Variants in INTU observed in about 807,000 individuals in gnomAD.
INTU encodes the protein inturned planar cell polarity protein.
A neutral mutation model predicts 100.5 loss-of-function variants in INTU; 68 were observed. That is an observed-to-expected ratio of 0.68 (90% CI 0.56 to 0.83). INTU has a LOEUF of 0.83. INTU is among the 40% of genes least tolerant of loss of function. The pLI is 0.00. For missense variants in INTU, 1,071 were observed against 1,114.7 expected (o/e 0.96, Z 0.56); for synonymous variants, 357 against 395.7 (o/e 0.90, Z 1.16).
intron 12 of INTU, 72 bp downstream of exon 12, chr4:127,707,041 G>A: frequency 6.7e-7 from 1 of 1,497,708 alleles, no homozygotes; most frequent in Non-Finnish European, 9.0e-7. Flanking sequence ...ATAATTGCAA[G>A]ACATTTTTTT....
At chr4:127,709,653 G>A (rs983560833) in intron 13 of INTU, among the ~76,000 whole-genome samples, 2 of 151,302 alleles carry the variant, frequency 1.3e-5, no homozygotes, top group Admixed American at 6.6e-5. Flanking sequence ...GGATCAACTG[G>A]TGTAATAAAC....
rs1729910843 is a variant in INTU at position 127,687,966 on chromosome 4, AT to A, written c.1449+100del. 4 of 850,184 alleles carry A rather than the reference AT, an allele frequency of 4.7e-6. No individual in the cohort carries two copies. In the East Asian group the frequency reaches 1.2e-4, roughly 25 times the overall value. 52.7% of individuals were successfully genotyped at this position (850,184 alleles called of 1,614,324 possible). Reference sequence around the variant, plus strand: ...TAGACTTTTTGTTATTTTTGGAATTATGGTTAAAAATTAAAGAGGCAATTGG... The same window carrying A: ...TAGACTTTTTGTTATTTTTGGAATTAGGTTAAAAATTAAAGAGGCAATTGG... On this transcript the variant is annotated intron_variant, in intron 8 of 15. Transcript: ENST00000335251.
At chr4:127,640,435 TTTCTCTTC>T (rs1222186425) in intron 1 of INTU, among the ~76,000 whole-genome samples, 1 of 150,926 alleles carries the variant, frequency 6.6e-6, no homozygotes, top group Non-Finnish European at 1.5e-5. Context: ...AAAAAGTGTC[TTTCTCTTC>T]TTAAAATGAT....
chr4:127,691,676 A>G (rs1730133793), intron 8 of INTU, among the ~76,000 whole-genome samples: 1 of 151,732 alleles, frequency 6.6e-6, no homozygotes, highest in Non-Finnish European at 1.5e-5. Context: ...AATTTCTGCA[A>G]TTTTGGTCCA....
At chr4:127,687,655 AC>A (rs1184564790) in intron 7 of INTU, 22 bp from the exon 8 acceptor site, 17 of 1,588,058 alleles carry the variant, frequency 1.1e-5, no homozygotes. Flanking sequence ...TGTCGTTCTA[AC>A]TTACAGCTCT....
At chr4:127,653,677 G>A (rs1039565034) in intron 2 of INTU, among the ~76,000 whole-genome samples, 2 of 150,096 alleles carry the variant, frequency 1.3e-5, no homozygotes, top group African/African-American at 4.9e-5. Context: ...GTGGTGTGGT[G>A]CTGAAAAAAA....
In INTU at chr4:127,705,798, C is replaced by G. The variant is rs777774989; in HGVS notation, c.1774C>G (p.Leu592Val). Residue 592 changes from leucine to valine, a missense_variant, in exon 11 of 16, where the codon CTA becomes GTA. Leu to Val is a conservative substitution (Grantham distance 32). Coordinates refer to ENST00000335251, the MANE Select transcript of INTU (RefSeq NM_015693.4). Reference sequence around the variant, plus strand: ...GGAACCTGAAGGAAGATATTTTTTGCTAGTTGTTGGCTTGGTAAGTTTACC... The same window carrying G: ...GGAACCTGAAGGAAGATATTTTTTGGTAGTTGTTGGCTTGGTAAGTTTACC... The part of the protein sequence containing the change: ...FPEPEGRYFL[L>V]VVGLKHYMLC... 3.7e-6 allele frequency: 6 copies of G among 1,613,614 alleles called. No individual in the cohort carries two copies. The highest frequency in any genetic ancestry group is 4.2e-6 in the Non-Finnish European group (5 of 1,179,686).
intron 9 of INTU, among the ~76,000 whole-genome samples, chr4:127,701,243 A>G (rs1435389354): frequency 6.6e-6 from 1 of 152,140 alleles, no homozygotes; most frequent in Admixed American, 6.6e-5. Flanking sequence ...ACTGGCAAAT[A>G]CTGCAGGACA....
rs1312072156 is a variant in INTU, at chr4:127,706,728, T to G, written c.2030T>G (p.Leu677Arg). The G allele has an allele frequency of 6.2e-7, 1 of 1,614,086 alleles. No homozygotes were observed. Among genetic ancestry groups the G allele is most frequent in the Admixed American group, 1.7e-5 (1 of 59,982 alleles). Residue 677 changes from leucine (L) to arginine (R), a missense_variant, in exon 12 of 16, where the codon CTC becomes CGC. Physicochemically the swap from Leu to Arg is moderately radical, Grantham distance 102. Coordinates refer to ENST00000335251, the MANE Select transcript of INTU (RefSeq NM_015693.4). ...KTDSLTTSPI[L>R]SRLQGTSKVA... Reference sequence around the variant, plus strand: ...GATAGCTTGACCACTTCGCCTATTCTCAGTAGGCTACAAGGTACTTCCAAA... The same window carrying G: ...GATAGCTTGACCACTTCGCCTATTCGCAGTAGGCTACAAGGTACTTCCAAA...
At chr4:127,694,596 C>T (rs1168982826) in intron 8 of INTU, among the ~76,000 whole-genome samples, 2 of 152,078 alleles carry the variant, frequency 1.3e-5, no homozygotes, top group African/African-American at 2.4e-5. Context: ...GTGTCATACC[C>T]AGTGTCATCT....
intron 6 of INTU, among the ~76,000 whole-genome samples, chr4:127,681,995 A>G (rs1729585239): frequency 6.6e-6 from 1 of 151,502 alleles, no homozygotes; most frequent in Admixed American, 6.6e-5. Flanking sequence ...CAAAAAACAC[A>G]TGAAAAAATG....
At chr4:127,652,611 G>C in intron 2 of INTU, among the ~76,000 whole-genome samples, 1 of 42,476 alleles carries the variant, frequency 2.4e-5, no homozygotes, top group African/African-American at 1.1e-4. Flanking sequence ...TGTGCTGCTG[G>C]ATTCGTTTTG....
In INTU at chr4:127,721,128, T is replaced by C. The variant is rs1305315854; in HGVS notation, c.*4692T>C. The C allele has an allele frequency of 2.6e-5, 4 of 152,204 alleles. No homozygotes were observed. Among genetic ancestry groups the C allele is most frequent in the Non-Finnish European group, 5.9e-5 (4 of 68,024 alleles). The allele number at this position is 152,204 out of a possible 1,614,324, so 9.4% of individuals were successfully genotyped here. A position where few individuals can be genotyped will look rare whatever the true frequency, so the allele number is the denominator to read the frequency against. On this transcript the variant is annotated 3_prime_UTR_variant, in exon 16 of 16. Transcript: ENST00000335251. ...TGGTAACAGTTTTTCCTTTCCATATTGAGTGCTTCCTTCAGGAGCACTTGC... is the reference window on the plus strand; with the variant it reads ...TGGTAACAGTTTTTCCTTTCCATATCGAGTGCTTCCTTCAGGAGCACTTGC...
At chr4:127,716,229 T>C (rs760521740) in intron 15 of INTU, 96 bp from the exon 16 acceptor site, 1 of 565,634 alleles carries the variant, frequency 1.8e-6, no homozygotes, top group Non-Finnish European at 3.1e-6. Flanking sequence ...TTACTACTGA[T>C]GCTTTCAGAA....
chr4:127,698,005 A>T (rs1203258267), intron 8 of INTU, among the ~76,000 whole-genome samples: 1 of 152,182 alleles, frequency 6.6e-6, no homozygotes, highest in Non-Finnish European at 1.5e-5. Flanking sequence ...CTGTAATCCC[A>T]GCTATTTGGG....
At chr4:127,651,655 T>G in intron 2 of INTU, among the ~76,000 whole-genome samples, 1 of 152,190 alleles carries the variant, frequency 6.6e-6, no homozygotes. Context: ...GGTAGGGTGA[T>G]GCCTACAGCT....
chr4:127,663,331 A>G, intron 3 of INTU, 50 bp from the exon 4 acceptor site: 1 of 1,353,944 alleles, frequency 7.4e-7, no homozygotes, highest in Non-Finnish European at 1.0e-6. Flanking sequence ...TGAAAACTGC[A>G]GCTGATTTTC....
At position 127,716,342 on chromosome 4, in the gene INTU, CA is replaced by C; in HGVS notation, c.2739del (p.Lys913AsnfsTer20). 2.6e-6 allele frequency: 4 copies of C among 1,563,698 alleles called. No individual in the cohort carries two copies. The highest frequency in any genetic ancestry group is 2.4e-5 in the South Asian group (2 of 82,242). ...TTCTGCAGGAGACTTTTTCTTCATC[CA>C]AAACCTCAAGAACTTTATGTCTGTT... ...YWVVGRLFLH[P>X]KPQELYVCFH... On this transcript the variant is annotated frameshift_variant, in exon 16 of 16. Transcript: ENST00000335251. LOFTEE classifies it high-confidence loss of function.
Position 127,642,013 on chromosome 4 carries a change from GAT to G in INTU, c.147-1495_147-1494del, listed in dbSNP as rs140844596. Among the ~76,000 whole-genome samples, 29 of 151,146 alleles carry G rather than the reference GAT, an allele frequency of 1.9e-4. No homozygotes were observed. In the Middle Eastern group the frequency reaches 0.014, roughly 72 times the overall value. ...ATACACTTTATTCATTGTTTAAATT[GAT>G]ATATATATATATTTTTTAAATTGAT... On this transcript the variant is annotated intron_variant, in intron 1 of 15. Coordinates refer to ENST00000335251, the MANE Select transcript of INTU (RefSeq NM_015693.4).
Sources: gnomAD v4.1 joint callset for allele counts (sites outside exome capture counted in the v4.1 genomes callset) on GRCh38, gnomAD v4.1.1 for gene constraint, MANE v1.5 for transcripts, NCBI Gene and HGNC (gene_info 2026-07-23, HGNC 2026-07-21) for gene names.